The following CADPS2 variants were observed in gnomAD, a reference collection of about 807,000 sequenced individuals.
CADPS2 encodes calcium-dependent secretion activator 2.
Under a neutral mutation model 172.5 loss-of-function variants are expected in CADPS2, and 93 were observed. The ratio of observed to expected loss-of-function variants is 0.54; its 90% CI spans 0.46 to 0.64. The LOEUF (loss-of-function observed/expected upper bound fraction) is 0.64, where lower values mean the gene tolerates loss of function less well. Ranked by LOEUF, CADPS2 falls within the 30% of genes least tolerant of loss-of-function variation. The probability of loss-of-function intolerance (pLI) is 0.00; values close to 1 mark genes in which losing one functional copy is unlikely to be tolerated. For missense variants in CADPS2, 1,420 were observed against 1,565.9 expected, an observed-to-expected ratio of 0.91 and a Z score of 1.57; for synonymous variants, 546 against 555.2, an observed-to-expected ratio of 0.98 and a Z score of 0.23.
intron 17 of CADPS2, among the ~76,000 whole-genome samples, chr7:122,416,980 T>C (rs561881806): frequency 4.6e-5 from 7 of 152,304 alleles, no homozygotes; most frequent in African/African-American, 1.7e-4. Flanking sequence ...TAAAGATAAA[T>C]GTTGTCGGGG....
chr7:122,516,054 T>C (rs1020972569), intron 8 of CADPS2, among the ~76,000 whole-genome samples: 4 of 152,090 alleles, frequency 2.6e-5, no homozygotes, highest in African/African-American at 7.2e-5. Context: ...GGGGGACAGA[T>C]GGATACATAC....
intron 8 of CADPS2, among the ~76,000 whole-genome samples, chr7:122,552,775 GT>G (rs61517518): frequency 0.54 from 74,575 of 137,016 alleles, 19,771 homozygotes; most frequent in East Asian, 0.89. Context: ...ATAGGTTCCT[GT>G]TTTTTTTTTT....
intron 25 of CADPS2, among the ~76,000 whole-genome samples, chr7:122,378,442 G>T (rs2151336364): frequency 6.6e-6 from 1 of 152,232 alleles, no homozygotes; most frequent in Middle Eastern, 3.4e-3. Context: ...AGAGAAAATA[G>T]TATACTATTG....
intron 27 of CADPS2, among the ~76,000 whole-genome samples, chr7:122,359,198 G>A (rs993402030): frequency 3.3e-5 from 5 of 152,042 alleles, no homozygotes; most frequent in African/African-American, 1.2e-4. Context: ...GGAAGAGGAG[G>A]CATGAAAATT....
intron 1 of CADPS2, among the ~76,000 whole-genome samples, chr7:122,823,193 A>C (rs2140414451): frequency 6.6e-6 from 1 of 152,344 alleles, no homozygotes; most frequent in Non-Finnish European, 1.5e-5. Context: ...GTATACTCCA[A>C]AAAAATTCAA....
At chr7:122,738,685 T>A (rs1490727020) in intron 1 of CADPS2, among the ~76,000 whole-genome samples, 2 of 151,998 alleles carry the variant, frequency 1.3e-5, no homozygotes, top group Admixed American at 1.3e-4. Flanking sequence ...ATAAATCTGT[T>A]CAAAAGGCTT....
At chr7:122,543,835 A>T (rs1035450398) in intron 8 of CADPS2, among the ~76,000 whole-genome samples, 74 of 152,294 alleles carry the variant, frequency 4.9e-4, no homozygotes, top group African/African-American at 1.7e-3. Flanking sequence ...TAAGTAATGA[A>T]ATAAGAGTCA....
chr7:122,601,392 G>A (rs1481643433), intron 6 of CADPS2, among the ~76,000 whole-genome samples: 1 of 151,848 alleles, frequency 6.6e-6, no homozygotes, highest in Non-Finnish European at 1.5e-5. Context: ...TCACATCTTC[G>A]CCAACCAGAT....
chr7:122,834,269 T>C (rs987480255), intron 1 of CADPS2, among the ~76,000 whole-genome samples: 1 of 151,682 alleles, frequency 6.6e-6, no homozygotes, highest in Non-Finnish European at 1.5e-5. Flanking sequence ...AAATACAGAG[T>C]TGAAGAAATC....
chr7:122,353,764 A>G (rs1310662667), intron 27 of CADPS2, among the ~76,000 whole-genome samples: 2 of 152,190 alleles, frequency 1.3e-5, no homozygotes, highest in Admixed American at 6.5e-5. Context: ...CACCTGGCAA[A>G]CAGTGGTGCA....
At chr7:122,849,385 AG>A in intron 1 of CADPS2, among the ~76,000 whole-genome samples, 1 of 152,314 alleles carries the variant, frequency 6.6e-6, no homozygotes, top group East Asian at 1.9e-4. Flanking sequence ...AAATATTCTT[AG>A]GGCATAGAAG....
chr7:122,322,010 C>T (rs2032658732), intron 29 of CADPS2, among the ~76,000 whole-genome samples: 1 of 150,474 alleles, frequency 6.6e-6, no homozygotes, highest in African/African-American at 2.4e-5. Context: ...CCAAAACTCA[C>T]TGTAATTTGC....
At position 122,849,991 on chromosome 7, in the gene CADPS2, C is replaced by G. The variant is rs536570401; in HGVS notation, c.339+36008G>C. ...CTCAAGCTATGGGCCCACCTGCCCC[C>G]AAGCCTGCCTAGGCTGGGGAAGGAA... On this transcript the variant is annotated intron_variant, in intron 1 of 29. Coordinates refer to ENST00000449022, the MANE Select transcript of CADPS2 (RefSeq NM_017954.11). 6 of 732,594 alleles carry G rather than the reference C, an allele frequency of 8.2e-6. No homozygotes were observed. The South Asian group carries it at 1.1e-4, about 13-fold the overall frequency. 45.4% of individuals were successfully genotyped at this position (732,594 alleles called of 1,614,324 possible).
At chr7:122,368,425 TAGGGACCAC>T (rs1310313926) in intron 25 of CADPS2, among the ~76,000 whole-genome samples, 1 of 152,130 alleles carries the variant, frequency 6.6e-6, no homozygotes, top group Non-Finnish European at 1.5e-5. Flanking sequence ...ATCATAGGCT[TAGGGACCAC>T]AGGGGCCAAA....
intron 1 of CADPS2, among the ~76,000 whole-genome samples, chr7:122,746,204 T>C (rs2092711858): frequency 1.3e-5 from 2 of 152,176 alleles, no homozygotes; most frequent in Non-Finnish European, 2.9e-5. Flanking sequence ...AATATTAAGA[T>C]GGATGCCCGT....
chr7:122,400,702 C>A lies in CADPS2; in HGVS notation c.2746+6838G>T, dbSNP rs10276116. Among the ~76,000 whole-genome samples the A allele has an allele frequency of 3.6e-3, 549 of 152,290 alleles. 5 individuals carry two copies. Among genetic ancestry groups the A allele is most frequent in the African/African-American group, 0.012 (518 of 41,566 alleles). ...GTGCATACTTATAAAACTAATCTGG[C>A]ATGCACAGATTTGCTGCAATCTAGA... is the stretch of plus-strand genomic sequence containing the variant. On this transcript the variant is annotated intron_variant, in intron 20 of 29. Coordinates refer to ENST00000449022, the MANE Select transcript of CADPS2 (RefSeq NM_017954.11).
intron 7 of CADPS2, among the ~76,000 whole-genome samples, chr7:122,577,972 A>C (rs2068261149): frequency 6.6e-6 from 1 of 151,902 alleles, no homozygotes; most frequent in Non-Finnish European, 1.5e-5. Flanking sequence ...AGCTCCCCAG[A>C]TATACTATTC....
chr7:122,470,221 T>C (rs2055735099), intron 14 of CADPS2, among the ~76,000 whole-genome samples: 1 of 151,838 alleles, frequency 6.6e-6, no homozygotes, highest in African/African-American at 2.4e-5. Flanking sequence ...GAGAGGTAAA[T>C]TCACATACAT....
At chr7:122,335,210 C>T (rs1212575716) in intron 28 of CADPS2, among the ~76,000 whole-genome samples, 2 of 152,168 alleles carry the variant, frequency 1.3e-5, no homozygotes, top group African/African-American at 4.8e-5. Context: ...ACTTTTACTG[C>T]CTCAAAAATA....
Sources: allele counts gnomAD v4.1 joint callset (sites outside exome capture counted in the v4.1 genomes callset), GRCh38; gene constraint gnomAD v4.1.1; transcripts MANE v1.5; gene names NCBI Gene and HGNC (gene_info 2026-07-23, HGNC 2026-07-21).